The following KMT2E variants were observed in gnomAD, a reference collection of about 807,000 sequenced individuals.
The protein encoded by KMT2E is histone reader KMT2E.
KMT2E carries 30 observed loss-of-function variants against 184.6 expected under a neutral mutation model. The ratio of observed to expected loss-of-function variants is 0.16; its 90% confidence interval spans 0.12 to 0.22. The LOEUF (loss-of-function observed/expected upper bound fraction) is 0.22, where lower values mean the gene tolerates loss of function less well. KMT2E is among the 10% of genes least tolerant of loss of function. KMT2E has a pLI of 1.00. For synonymous variants in KMT2E, 815 were observed against 776.5 expected (o/e 1.05, Z -0.82); for missense variants, 2,023 against 2,237.4 (o/e 0.90, Z 1.93).
Position 105,112,838 on chromosome 7 carries a change from C to T in KMT2E, c.5082C>T (p.Pro1694=). 6.2e-7 allele frequency: 1 copy of T among 1,607,766 alleles called. No homozygotes were observed. Among genetic ancestry groups the T allele is most frequent in the Non-Finnish European group, 8.5e-7 (1 of 1,177,340 alleles). Residue 1694 remains proline (P), a synonymous_variant, in exon 27 of 27, where the codon CCC becomes CCT. Coordinates refer to ENST00000311117, the MANE Select transcript of KMT2E (RefSeq NM_182931.3). The part of the protein sequence containing the change: ...PGPAPHHHPP[P]HPSTGLQGLQ... Reference sequence around the variant, plus strand: ...CTGCCCCTCATCACCATCCACCACCCCATCCATCCACAGGACTCCAAGGTC... The same window carrying T: ...CTGCCCCTCATCACCATCCACCACCTCATCCATCCACAGGACTCCAAGGTC...
At chr7:105,081,938 A>G in intron 13 of KMT2E, 141 bp downstream of exon 13, 1 of 489,006 alleles carries the variant, frequency 2.0e-6, no homozygotes, top group Non-Finnish European at 3.6e-6. Context: ...GAAAACCAGA[A>G]GTTTAGTATC....
rs1278581699 is a variant in KMT2E at position 105,032,659 on chromosome 7, C to T, written c.-188-5467C>T. On this transcript the variant is annotated intron_variant, in intron 1 of 26. Coordinates refer to ENST00000311117, the MANE Select transcript of KMT2E (RefSeq NM_182931.3). ...TGGGATTACAGGCACATACCACTAC[C>T]CCTGGCTAATTTTTAAAAATTTTTT... Among the ~76,000 whole-genome samples the T allele has an allele frequency of 3.3e-5, 5 of 152,158 alleles. No homozygotes were observed. The East Asian group carries it at 9.7e-4, about 29-fold the overall frequency.
chr7:105,068,921 A>G (rs1004450943), intron 6 of KMT2E, among the ~76,000 whole-genome samples: 1 of 152,224 alleles, frequency 6.6e-6, no homozygotes, highest in African/African-American at 2.4e-5. Context: ...GATTTAAACC[A>G]TAGTGGATGT....
chr7:105,095,319 G>T (rs1304842255), intron 15 of KMT2E, among the ~76,000 whole-genome samples: 2 of 152,122 alleles, frequency 1.3e-5, no homozygotes, highest in South Asian at 2.1e-4. Flanking sequence ...GACCTTTTGA[G>T]TAGGGTTTAA....
At chr7:105,108,698 A>C in intron 22 of KMT2E, 1 of 477,270 alleles carries the variant, frequency 2.1e-6, no homozygotes, top group Non-Finnish European at 3.9e-6. Flanking sequence ...TAAAATGGGG[A>C]TGATAATATA....
At chr7:105,049,972 C>A (rs916725781) in intron 3 of KMT2E, among the ~76,000 whole-genome samples, 1 of 152,084 alleles carries the variant, frequency 6.6e-6, no homozygotes, top group African/African-American at 2.4e-5. Context: ...TGGATCTTAC[C>A]CCTTCTCACC....
intron 1 of KMT2E, among the ~76,000 whole-genome samples, chr7:105,019,516 C>T (rs1397360332): frequency 2.6e-5 from 4 of 152,100 alleles, no homozygotes; most frequent in Non-Finnish European, 2.9e-5. Flanking sequence ...CATTAAGATG[C>T]CATCAAAACA....
rs375707030 is a variant in KMT2E at position 105,113,018 on chromosome 7, T to C, written c.5262T>C (p.Ala1754=). 42 of 1,613,914 alleles carry C rather than the reference T, an allele frequency of 2.6e-5. No individual in the cohort carries two copies. The highest frequency in any genetic ancestry group is 3.2e-5 in the Non-Finnish European group (38 of 1,180,006). ...GACCTCCACTTTTTCCTTCGAGTGC[T>C]CATCCAACTGTACCACCGTATCCCT... The part of the protein sequence containing the change: ...HQGPPLFPSS[A]HPTVPPYPSQ... Residue 1754 remains alanine (A), a synonymous_variant, in exon 27 of 27, where the codon GCT becomes GCC. Coordinates refer to ENST00000311117, the MANE Select transcript of KMT2E (RefSeq NM_182931.3).
intron 23 of KMT2E, 23 bp downstream of exon 23, chr7:105,109,251 T>C: frequency 6.2e-7 from 1 of 1,601,990 alleles, no homozygotes; most frequent in Non-Finnish European, 8.5e-7. Flanking sequence ...TGAAGTATGC[T>C]ACTCTGGAAA....
chr7:105,033,318 T>A (rs938900617), intron 1 of KMT2E, among the ~76,000 whole-genome samples: 1 of 152,244 alleles, frequency 6.6e-6, no homozygotes, highest in African/African-American at 2.4e-5. Context: ...TTTAAAACAT[T>A]AAACTTTTAA....
At chr7:105,050,385 C>T (rs1796278567) in intron 3 of KMT2E, among the ~76,000 whole-genome samples, 1 of 152,144 alleles carries the variant, frequency 6.6e-6, no homozygotes, top group Non-Finnish European at 1.5e-5. Context: ...CTTTAAATGT[C>T]TAAGACTCAA....
chr7:105,052,753 T>A (rs990277304), intron 3 of KMT2E, among the ~76,000 whole-genome samples: 2 of 151,754 alleles, frequency 1.3e-5, no homozygotes, highest in African/African-American at 4.8e-5. Flanking sequence ...TTATTTTTTT[T>A]ATTTTTAGTA....
intron 1 of KMT2E, among the ~76,000 whole-genome samples, chr7:105,033,854 C>A (rs1795525859): frequency 6.6e-6 from 1 of 152,098 alleles, no homozygotes; most frequent in South Asian, 2.1e-4. Context: ...AGCATGGTGG[C>A]ATCACAACAT....
chr7:105,100,590 G>A (rs1012420449), intron 15 of KMT2E, among the ~76,000 whole-genome samples: 14 of 152,184 alleles, frequency 9.2e-5, no homozygotes, highest in African/African-American at 3.4e-4. Context: ...TTTGGATAGA[G>A]AACTGATGCT....
rs763566493 is a variant in KMT2E, at chr7:105,109,100, G to A, written c.3627G>A (p.Val1209=). ...CASSNDNGEQ[V]DHTASLPLPT... ...GCAGTAATGACAATGGGGAGCAGGT[G>A]GACCACACTGCTAGCCTACCTTTAC... Residue 1209 remains valine, a synonymous_variant, in exon 23 of 27, where the codon GTG becomes GTA. Transcript: ENST00000311117. The A allele has an allele frequency of 3.7e-6, 6 of 1,614,022 alleles. No homozygotes were observed. In the Admixed American group the frequency reaches 1.0e-4, roughly 27 times the overall value.
At chr7:105,071,608 A>ATATATATATATATATATT (rs1304883029) in intron 6 of KMT2E, among the ~76,000 whole-genome samples, 3 of 31,878 alleles carry the variant, frequency 9.4e-5, no homozygotes, top group Non-Finnish European at 1.6e-4. Flanking sequence ...ATATATATAT[A>ATATATATATATATATATT]TTTTTTTTTT....
rs751253399 is a variant in KMT2E at position 105,074,630 on chromosome 7, A to G, written c.557-13A>G. ...AAGTATTAAATGTGCAATAATTTTTATTTTGTCTGAAGATGGTGATACCAG... is the reference window on the plus strand; with the variant it reads ...AAGTATTAAATGTGCAATAATTTTTGTTTTGTCTGAAGATGGTGATACCAG... On this transcript the variant is annotated splice_polypyrimidine_tract_variant and intron_variant, in intron 7 of 26. Transcript: ENST00000311117. The G allele has an allele frequency of 1.9e-5, 28 of 1,466,430 alleles. No individual in the cohort carries two copies. Among genetic ancestry groups the G allele is most frequent in the Non-Finnish European group, 2.2e-5 (24 of 1,103,612 alleles). 90.8% of individuals were successfully genotyped at this position (1,466,430 alleles called of 1,614,324 possible). A position where few individuals can be genotyped will look rare whatever the true frequency, so the allele number is the denominator to read the frequency against.
At chr7:105,079,486 C>G (rs1406358681) in intron 12 of KMT2E, among the ~76,000 whole-genome samples, 1 of 138,314 alleles carries the variant, frequency 7.2e-6, no homozygotes, top group East Asian at 2.2e-4. Flanking sequence ...GATGATGCTC[C>G]TTATAAGAGG....
chr7:105,112,790 C>CCA lies in KMT2E; in HGVS notation c.5035_5036insAC (p.Pro1679HisfsTer34). 1.9e-6 allele frequency: 3 copies of CCA among 1,573,218 alleles called. No homozygotes were observed. Among genetic ancestry groups the CCA allele is most frequent in the Non-Finnish European group, 2.6e-6 (3 of 1,154,310 alleles). ...CTCAAACTGCTGGACACCACTTACC[C>CCA]CCACCCCCACCCCCTCCTGGTCCTG... On this transcript the variant is annotated frameshift_variant, in exon 27 of 27. Transcript: ENST00000311117. LOFTEE classifies it high-confidence loss of function.
Sources: gnomAD v4.1 joint callset for allele counts (sites outside exome capture counted in the v4.1 genomes callset) on GRCh38, gnomAD v4.1.1 for gene constraint, MANE v1.5 for transcripts, NCBI Gene and HGNC (gene_info 2026-07-23, HGNC 2026-07-21) for gene names.